The following SCN8A variants were observed in gnomAD, a reference collection of about 807,000 sequenced individuals.
The protein encoded by SCN8A is sodium channel protein type 8 subunit alpha.
In SCN8A, 30 loss-of-function variants were observed where a neutral mutation model predicts 184.1. The observed-to-expected ratio is 0.16, with a 90% CI of 0.12 to 0.22. SCN8A has a LOEUF of 0.22. Ranked by LOEUF, SCN8A falls within the 10% of genes least tolerant of loss-of-function variation. The pLI, the probability that SCN8A is intolerant of heterozygous loss-of-function variation, is 1.00. For missense variants in SCN8A, 1,057 were observed against 2,498.9 expected (o/e 0.42, Z 12.30); for synonymous variants, 852 against 907.0 (o/e 0.94, Z 1.09).
intron 20 of SCN8A, among the ~76,000 whole-genome samples, chr12:51,779,566 C>T (rs1223181601): frequency 1.3e-5 from 2 of 152,142 alleles, no homozygotes; most frequent in African/African-American, 2.4e-5. Context: ...CCACTGGGGA[C>T]GTGACCTGTC....
rs766821493 is a variant in SCN8A, at chr12:51,721,620, A to G, written c.1710A>G (p.Gly570=). ...AGAGCAGCATCTTCAGTTTCAGGGG[A>G]CCTGGGCGGTTCCGAGACCCGGGCT... is the stretch of plus-strand genomic sequence containing the variant. ...NSKSSIFSFR[G]PGRFRDPGSE... The change falls in exon 12 of 27, where the codon GGA becomes GGG. Residue 570 remains glycine, a synonymous_variant. Transcript: ENST00000627620. The G allele has an allele frequency of 6.2e-7, 1 of 1,612,838 alleles. No individual in the cohort carries two copies. The highest frequency in any genetic ancestry group is 8.5e-7 in the Non-Finnish European group (1 of 1,179,502).
In SCN8A at chr12:51,794,741, C is replaced by G. The variant is rs1240570039; in HGVS notation, c.4795+100C>G. On this transcript the variant is annotated intron_variant, in intron 26 of 26. Transcript: ENST00000627620. ...GAATGAATGACACAGGTCTGAAGTG[C>G]AGGCAAGATACCCTCATAGCTTAAG... is the stretch of plus-strand genomic sequence containing the variant. The G allele has an allele frequency of 2.6e-6, 3 of 1,167,412 alleles. No homozygotes were observed. The East Asian group carries it at 7.4e-5, about 29-fold the overall frequency. The allele number at this position is 1,167,412 out of a possible 1,614,324, so 72.3% of individuals were successfully genotyped here.
intron 1 of SCN8A, among the ~76,000 whole-genome samples, chr12:51,623,302 G>A (rs961249181): frequency 2.2e-4 from 34 of 152,156 alleles, no homozygotes; most frequent in African/African-American, 7.7e-4. Context: ...GTATCTATCA[G>A]TCTGTATATA....
At chr12:51,605,606 A>G (rs144219450) in intron 1 of SCN8A, among the ~76,000 whole-genome samples, 72 of 152,318 alleles carry the variant, frequency 4.7e-4, no homozygotes, top group African/African-American at 1.7e-3. Context: ...CTGGGTGGAT[A>G]CCCAGTAGTG....
In SCN8A at chr12:51,652,690, C is replaced by A. The variant is rs183689195; in HGVS notation, c.-54-10074C>A. ...TGCAAAGCTCTACCCATTTTCTTCC[C>A]ATAACCCACCCTACCAGCCCATCTG... is the stretch of plus-strand genomic sequence containing the variant. On this transcript the variant is annotated intron_variant, in intron 1 of 26. Coordinates refer to ENST00000627620, the MANE Select transcript of SCN8A (RefSeq NM_001330260.2). Among the ~76,000 whole-genome samples the A allele has an allele frequency of 1.8e-3, 279 of 152,280 alleles. 1 individual carries two copies. Among genetic ancestry groups the A allele is most frequent in the African/African-American group, 6.0e-3 (251 of 41,552 alleles).
Position 51,807,115 on chromosome 12 carries a change from A to G in SCN8A, c.5629A>G (p.Asn1877Asp). ...GATGGAAGAGCGGTTCGTGGCATCC[A>G]ATCCTTCCAAAGTGTCTTACGAGCC... ...QQMEERFVAS[N>D]PSKVSYEPIT... The change falls in exon 27 of 27, where the codon AAT (asparagine) becomes GAT (aspartate). Residue 1877 changes from asparagine to aspartate, a missense_variant. This residue lies in a region of SCN8A where 95 missense variants were observed against 140.2 expected (regional missense o/e 0.68). Coordinates refer to ENST00000627620, the MANE Select transcript of SCN8A (RefSeq NM_001330260.2). This position sits in a 1 kb window ranked among gnomAD's most constrained non-coding sequence, Gnocchi z 4.5. 1 of 1,613,952 alleles carries G rather than the reference A, an allele frequency of 6.2e-7. No homozygotes were observed. Among genetic ancestry groups the G allele is most frequent in the East Asian group, 2.2e-5 (1 of 44,862 alleles).
At chr12:51,625,680 A>G (rs1408214555) in intron 1 of SCN8A, among the ~76,000 whole-genome samples, 1 of 152,236 alleles carries the variant, frequency 6.6e-6, no homozygotes, top group East Asian at 1.9e-4. Context: ...ATTCAGGCCA[A>G]AAATGTCAAC....
chr12:51,668,132 G>A (rs1046190961), intron 2 of SCN8A, among the ~76,000 whole-genome samples: 2 of 150,074 alleles, frequency 1.3e-5, no homozygotes, highest in Admixed American at 1.3e-4. Flanking sequence ...GTGGTGAGCC[G>A]AGATCACGCC....
At chr12:51,669,755 C>T (rs1295402022) in intron 2 of SCN8A, among the ~76,000 whole-genome samples, 30 of 152,158 alleles carry the variant, frequency 2.0e-4, no homozygotes, top group Admixed American at 1.4e-3. Flanking sequence ...GCAATTTTCT[C>T]CTTATTTCAC....
intron 17 of SCN8A, among the ~76,000 whole-genome samples, 186 bp from the exon 18 acceptor site, chr12:51,769,682 T>A (rs1468632537): frequency 6.6e-6 from 1 of 152,144 alleles, no homozygotes; most frequent in Non-Finnish European, 1.5e-5. Flanking sequence ...TAGGTTTTGA[T>A]GTTATATCCC....
intron 6 of SCN8A, among the ~76,000 whole-genome samples, 162 bp from the exon 7 acceptor site, chr12:51,699,408 A>G (rs1168105380): frequency 6.6e-6 from 1 of 152,204 alleles, no homozygotes; most frequent in Non-Finnish European, 1.5e-5. Context: ...GAATATTGAT[A>G]ATTTTGCTGA....
intron 2 of SCN8A, among the ~76,000 whole-genome samples, chr12:51,669,087 T>C (rs1941087351): frequency 6.6e-6 from 1 of 152,180 alleles, no homozygotes; most frequent in African/African-American, 2.4e-5. Flanking sequence ...TATCTAAACA[T>C]AGCTAAACAT....
rs751098211 is a variant in SCN8A at position 51,686,410 on chromosome 12, T to C, written c.438T>C (p.Cys146=). Residue 146 remains cysteine (C), a synonymous_variant, in exon 4 of 27, where the codon TGT becomes TGC. Coordinates refer to ENST00000627620, the MANE Select transcript of SCN8A (RefSeq NM_001330260.2). ...MIIMCTILTN[C]VFMTFSNPPD... ...TTATGTGCACTATTTTGACCAACTG[T>C]GTATTCATGACTTTTAGTAACCCTC... 6.2e-7 allele frequency: 1 copy of C among 1,612,688 alleles called. No individual in the cohort carries two copies. The highest frequency in any genetic ancestry group is 1.7e-5 in the Admixed American group (1 of 59,946).
At chr12:51,599,745 G>A (rs1373057196) in intron 1 of SCN8A, among the ~76,000 whole-genome samples, 2 of 152,102 alleles carry the variant, frequency 1.3e-5, no homozygotes, top group Admixed American at 6.6e-5. Flanking sequence ...TAGTGATGAA[G>A]GGTTGGAGTA....
chr12:51,750,409 A>AAAAGC (rs1274985986), intron 13 of SCN8A, among the ~76,000 whole-genome samples: 2 of 152,200 alleles, frequency 1.3e-5, no homozygotes. Context: ...AAAGAAAGAG[A>AAAAGC]AAAGCAAAGG....
intron 2 of SCN8A, among the ~76,000 whole-genome samples, chr12:51,681,825 T>A (rs1308024867): frequency 1.3e-5 from 2 of 152,128 alleles, no homozygotes; most frequent in African/African-American, 4.8e-5. Flanking sequence ...AAAAGAACTT[T>A]AAAAAACATC....
chr12:51,695,585 A>G (rs1403774706), intron 6 of SCN8A, among the ~76,000 whole-genome samples: 2 of 152,202 alleles, frequency 1.3e-5, no homozygotes, highest in Non-Finnish European at 2.9e-5. Flanking sequence ...AGTAGAAACC[A>G]GAATGCAGAG....
intron 19 of SCN8A, among the ~76,000 whole-genome samples, chr12:51,771,855 A>C (rs938318521): frequency 2.0e-5 from 3 of 152,216 alleles, no homozygotes; most frequent in African/African-American, 7.2e-5. Flanking sequence ...GTGATTGGAG[A>C]AAGGCGTTTT....
At position 51,684,222 on chromosome 12, in the gene SCN8A, A is replaced by G. The variant is rs1411395253; in HGVS notation, c.325A>G (p.Thr109Ala). 1.2e-6 allele frequency: 2 copies of G among 1,609,456 alleles called. No homozygotes were observed. The highest frequency in any genetic ancestry group is 1.7e-5 in the Admixed American group (1 of 60,016). The change falls in exon 3 of 27, where the codon ACG becomes GCG. Residue 109 changes from threonine to alanine, a missense_variant. Transcript: ENST00000627620. ...GAAAACTCTCTTCAGATTTAGTGCCACGCCTGCCTTGTACATTTTAAGTCC... is the reference window on the plus strand; with the variant it reads ...GAAAACTCTCTTCAGATTTAGTGCCGCGCCTGCCTTGTACATTTTAAGTCC... ...RGKTLFRFSA[T>A]PALYILSPFN... is the part of the protein sequence containing the mutation.
Sources: allele counts gnomAD v4.1 joint callset (sites outside exome capture counted in the v4.1 genomes callset), GRCh38; gene constraint gnomAD v4.1.1; regional missense constraint gnomAD v4.1.1; non-coding constraint Gnocchi (gnomAD v3.1); transcripts MANE v1.5; gene names NCBI Gene and HGNC (gene_info 2026-07-23, HGNC 2026-07-21).